Variants in PRDM5 observed in about 807,000 individuals in gnomAD.
The protein encoded by PRDM5 is PR domain zinc finger protein 5.
PRDM5 carries 56 observed loss-of-function variants against 81.2 expected under a neutral mutation model. The observed-to-expected ratio is 0.69, with a 90% CI of 0.56 to 0.86. PRDM5 has a LOEUF of 0.86. Ranked by LOEUF, PRDM5 falls within the 40% of genes least tolerant of loss-of-function variation. The pLI, the probability that PRDM5 is intolerant of heterozygous loss-of-function variation, is 0.00. For synonymous variants in PRDM5, 267 were observed against 256.4 expected, an observed-to-expected ratio of 1.04 and a Z score of -0.39; for missense variants, 697 against 770.1, an observed-to-expected ratio of 0.91 and a Z score of 1.12.
At chr4:120,746,961 G>A (rs1347583316) in intron 14 of PRDM5, among the ~76,000 whole-genome samples, 27 of 151,048 alleles carry the variant, frequency 1.8e-4, no homozygotes, top group African/African-American at 6.6e-4. Flanking sequence ...TATAAATCAT[G>A]CTGCTATAAA....
intron 3 of PRDM5, among the ~76,000 whole-genome samples, chr4:120,832,608 G>A (rs1756854314): frequency 6.6e-6 from 1 of 151,972 alleles, no homozygotes; most frequent in African/African-American, 2.4e-5. Flanking sequence ...ATTCACCTTT[G>A]TGCAACCTCA....
Position 120,777,277 on chromosome 4 carries a change from T to A in PRDM5, c.1448A>T (p.His483Leu). ...PSVLRSHKKTHTGEKEKICPY... is the reference protein window; with the variant it reads ...PSVLRSHKKTLTGEKEKICPY... Reference sequence around the variant, plus strand: ...ACAGATTTTCTCCTTTTCTCCTGTATGTGTCTAAAAGGAAAGGGATAAAAA... The same window carrying A: ...ACAGATTTTCTCCTTTTCTCCTGTAAGTGTCTAAAAGGAAAGGGATAAAAA... The change falls in exon 13 of 16, where the codon CAT (histidine) becomes CTT (leucine). Residue 483 changes from histidine to leucine, a missense_variant. Physicochemically the swap from His to Leu is moderately conservative, Grantham distance 99 (BLOSUM62 -3). Transcript: ENST00000264808. 1 of 1,613,250 alleles carries A rather than the reference T, an allele frequency of 6.2e-7. No homozygotes were observed. The highest frequency in any genetic ancestry group is 8.5e-7 in the Non-Finnish European group (1 of 1,179,428).
chr4:120,826,946 T>A (rs1756068005), intron 3 of PRDM5, among the ~76,000 whole-genome samples: 1 of 152,182 alleles, frequency 6.6e-6, no homozygotes, highest in Non-Finnish European at 1.5e-5. Context: ...ACACTAACTG[T>A]GAATTTTTGC....
intron 8 of PRDM5, 78 bp from the exon 9 acceptor site, chr4:120,799,823 C>T: frequency 1.3e-6 from 2 of 1,559,488 alleles, no homozygotes; most frequent in South Asian, 1.2e-5. Flanking sequence ...AAAGTGTAAA[C>T]ATGTGAACAG....
chr4:120,806,151 G>A (rs920434014), intron 8 of PRDM5, among the ~76,000 whole-genome samples: 1 of 152,068 alleles, frequency 6.6e-6, no homozygotes, highest in African/African-American at 2.4e-5. Flanking sequence ...GGGATGTGAA[G>A]GACCTCTTCA....
chr4:120,762,702 T>C (rs1318937124), intron 13 of PRDM5: 1 of 152,174 alleles, frequency 6.6e-6, no homozygotes, highest in African/African-American at 2.4e-5. Flanking sequence ...AAGTTCATTC[T>C]TGGCATCTTT....
At chr4:120,849,007 A>T (rs1047613640) in intron 3 of PRDM5, among the ~76,000 whole-genome samples, 2 of 152,196 alleles carry the variant, frequency 1.3e-5, no homozygotes, top group Non-Finnish European at 2.9e-5. Flanking sequence ...TAAAAATGCC[A>T]CTTGTATAAA....
intron 3 of PRDM5, among the ~76,000 whole-genome samples, chr4:120,828,927 T>TA (rs1756366652): frequency 6.6e-6 from 1 of 152,056 alleles, no homozygotes; most frequent in South Asian, 2.1e-4. Flanking sequence ...TGTAAAATGA[T>TA]AGAGTTGGAC....
intron 8 of PRDM5, among the ~76,000 whole-genome samples, chr4:120,807,751 G>A (rs1399264717): frequency 1.3e-5 from 2 of 152,162 alleles, no homozygotes; most frequent in Non-Finnish European, 2.9e-5. Context: ...CTTCCTTCTG[G>A]TGGGTTCATG....
At chr4:120,870,989 G>T (rs2148537870) in intron 2 of PRDM5, among the ~76,000 whole-genome samples, 1 of 152,192 alleles carries the variant, frequency 6.6e-6, no homozygotes, top group African/African-American at 2.4e-5. Flanking sequence ...CATCTTGCCA[G>T]ATTTCCCCTC....
At chr4:120,772,923 G>T (rs555151491) in intron 13 of PRDM5, among the ~76,000 whole-genome samples, 2 of 152,294 alleles carry the variant, frequency 1.3e-5, no homozygotes, top group South Asian at 4.1e-4. Context: ...ACTTCAATTT[G>T]TAATACTAGT....
At chr4:120,699,163 T>TATAAATAA (rs1303253765) in intron 15 of PRDM5, among the ~76,000 whole-genome samples, 36 of 22,292 alleles carry the variant, frequency 1.6e-3, no homozygotes, top group Non-Finnish European at 2.4e-3. Context: ...GAAATATAAA[T>TATAAATAA]ATATATATAT....
At chr4:120,884,400 C>CT (rs1561600475) in intron 2 of PRDM5, among the ~76,000 whole-genome samples, 1 of 150,476 alleles carries the variant, frequency 6.6e-6, no homozygotes, top group East Asian at 2.0e-4. Context: ...GAAACACTTG[C>CT]TTTAACCCCT....
rs1392208550 is a variant in PRDM5 at position 120,781,002 on chromosome 4, G to A, written c.1443+141C>T. Reference sequence around the variant, plus strand: ...ATGAAGAAAGTGAACATTGTCTGAAGAGCTGATATAAATCATGCATTTGTC... The same window carrying A: ...ATGAAGAAAGTGAACATTGTCTGAAAAGCTGATATAAATCATGCATTTGTC... On this transcript the variant is annotated intron_variant, in intron 12 of 15. Coordinates refer to ENST00000264808, the MANE Select transcript of PRDM5 (RefSeq NM_018699.4). 5.2e-6 allele frequency: 4 copies of A among 776,486 alleles called. No homozygotes were observed. The East Asian group carries it at 8.2e-5, about 16-fold the overall frequency. 48.1% of individuals were successfully genotyped at this position (776,486 alleles called of 1,614,324 possible). A position where few individuals can be genotyped will look rare whatever the true frequency, so the allele number is the denominator to read the frequency against.
At chr4:120,714,397 T>C (rs973283399) in intron 14 of PRDM5, among the ~76,000 whole-genome samples, 3 of 152,172 alleles carry the variant, frequency 2.0e-5, no homozygotes, top group African/African-American at 7.2e-5. Context: ...ATTTTAAAAA[T>C]CAGTTGATCA....
intron 15 of PRDM5, among the ~76,000 whole-genome samples, chr4:120,703,779 G>A (rs183348090): frequency 1.5e-3 from 224 of 152,262 alleles, no homozygotes; most frequent in African/African-American, 5.0e-3. Flanking sequence ...GAACTAGGTG[G>A]TGTTTCCAGA....
rs894136744 is a variant in PRDM5 at position 120,686,731 on chromosome 4, C to T, written n.104-1706G>A. Among the ~76,000 whole-genome samples the T allele has an allele frequency of 3.9e-5, 6 of 152,044 alleles. No homozygotes were observed. In the South Asian group the frequency reaches 1.2e-3, roughly 32 times the overall value. On this transcript the variant is annotated intron_variant and non_coding_transcript_variant, in intron 1 of 1. Transcript: ENST00000513741. ...TCAAAGTTGGTAATAATTGACCATT[C>T]CCTTCCCCTTCCCCAAAATATGTTT...
At chr4:120,813,872 G>A (rs892964542) in intron 7 of PRDM5, among the ~76,000 whole-genome samples, 1 of 152,086 alleles carries the variant, frequency 6.6e-6, no homozygotes, top group Non-Finnish European at 1.5e-5. Context: ...GGATGGGTCC[G>A]AGGAGGAGAG....
chr4:120,922,648 C>G lies in PRDM5; in HGVS notation c.-40G>C. On this transcript the variant is annotated 5_prime_UTR_variant, in exon 1 of 16. Coordinates refer to ENST00000264808, the MANE Select transcript of PRDM5 (RefSeq NM_018699.4). The stretch of plus-strand genomic sequence containing the variant: ...CGGCCGCCGCCTCTCTCAACACCGG[C>G]GCTTAGCGCCCGGCAGGCGGCACAT... 6.4e-7 allele frequency: 1 copy of G among 1,572,852 alleles called. No individual in the cohort carries two copies. The highest frequency in any genetic ancestry group is 8.6e-7 in the Non-Finnish European group (1 of 1,159,672).
Sources: gnomAD v4.1 joint callset for allele counts (sites outside exome capture counted in the v4.1 genomes callset) on GRCh38, gnomAD v4.1.1 for gene constraint, MANE v1.5 for transcripts, NCBI Gene and HGNC (gene_info 2026-07-23, HGNC 2026-07-21) for gene names.